Variants in IMMP2L observed in about 807,000 individuals in gnomAD.
IMMP2L encodes mitochondrial inner membrane protease subunit 2.
In IMMP2L, 18 loss-of-function variants were observed where a neutral mutation model predicts 19.3. The observed-to-expected ratio is 0.93, with a 90% confidence interval of 0.64 to 1.38. The LOEUF is 1.38. Among genes scored for constraint, IMMP2L ranks in the 40% most tolerant of loss-of-function variants. The pLI, the probability that IMMP2L is intolerant of heterozygous loss-of-function variation, is 0.00. For synonymous variants in IMMP2L, 76 were observed against 73.0 expected (o/e 1.04, Z -0.21); for missense variants, 233 against 218.2 (o/e 1.07, Z -0.43).
intron 5 of IMMP2L, among the ~76,000 whole-genome samples, chr7:110,826,032 T>C (rs943274375): frequency 1.3e-5 from 2 of 152,164 alleles, no homozygotes; most frequent in African/African-American, 4.8e-5. Flanking sequence ...GCGAAGGATA[T>C]GAACACACAC....
intron 3 of IMMP2L, among the ~76,000 whole-genome samples, chr7:111,330,980 G>A (rs932354605): frequency 9.2e-5 from 14 of 151,766 alleles, no homozygotes; most frequent in African/African-American, 2.7e-4. Context: ...CTGTTGGTGC[G>A]AATATATATT....
chr7:111,434,909 G>C (rs1326529186), intron 3 of IMMP2L, among the ~76,000 whole-genome samples: 1 of 151,820 alleles, frequency 6.6e-6, no homozygotes, highest in African/African-American at 2.4e-5. Flanking sequence ...AGCCAGTCAT[G>C]ACACAAGGTG....
At chr7:111,281,142 GAAAGACAGAAAGAC>G (rs1563003979) in intron 3 of IMMP2L, among the ~76,000 whole-genome samples, 1,665 of 84,948 alleles carry the variant, frequency 0.02, 69 homozygotes, top group African/African-American at 0.073. Flanking sequence ...GAGAAAGACA[GAAAGACAGAAAGAC>G]AGAAAGAAAG....
intron 3 of IMMP2L, among the ~76,000 whole-genome samples, chr7:111,360,205 A>G (rs1210412923): frequency 6.6e-6 from 1 of 152,192 alleles, no homozygotes; most frequent in African/African-American, 2.4e-5. Context: ...AAAATCAAAT[A>G]CAGACATCAA....
At chr7:111,498,561 C>T (rs1843821912) in intron 2 of IMMP2L, among the ~76,000 whole-genome samples, 1 of 151,328 alleles carries the variant, frequency 6.6e-6, no homozygotes, top group Non-Finnish European at 1.5e-5. Flanking sequence ...GTGTGTAGCA[C>T]AGAAAGGAAG....
intron 3 of IMMP2L, among the ~76,000 whole-genome samples, chr7:111,056,395 C>T (rs1255405702): frequency 6.6e-6 from 1 of 152,214 alleles, no homozygotes; most frequent in Admixed American, 6.5e-5. Flanking sequence ...CTTATATTTA[C>T]ACACAATAAT....
At chr7:110,696,272 G>A (rs1388626818) in intron 5 of IMMP2L, among the ~76,000 whole-genome samples, 1 of 152,150 alleles carries the variant, frequency 6.6e-6, no homozygotes, top group Admixed American at 6.5e-5. Flanking sequence ...AGGTTTCTAA[G>A]TAGTGAGTGA....
At chr7:110,991,910 T>C (rs1308451341) in intron 3 of IMMP2L, among the ~76,000 whole-genome samples, 1 of 152,180 alleles carries the variant, frequency 6.6e-6, no homozygotes, top group Non-Finnish European at 1.5e-5. Flanking sequence ...CTCTTTGCTT[T>C]CACTTAGGAT....
intron 4 of IMMP2L, among the ~76,000 whole-genome samples, chr7:110,934,288 T>C (rs1815835661): frequency 2.0e-5 from 3 of 152,314 alleles, no homozygotes; most frequent in Admixed American, 6.5e-5. Context: ...ATAAGTGTGA[T>C]GTGGTGCTGA....
At chr7:111,474,187 AG>A (rs769602695) in intron 3 of IMMP2L, among the ~76,000 whole-genome samples, 2 of 152,064 alleles carry the variant, frequency 1.3e-5, no homozygotes, top group African/African-American at 2.4e-5. Flanking sequence ...GGAGGGAAAA[AG>A]GGGGAAAAAG....
chr7:111,051,344 T>C lies in IMMP2L; in HGVS notation c.240-87779A>G, dbSNP rs746706721. Among the ~76,000 whole-genome samples, 7 of 152,308 alleles carry C rather than the reference T, an allele frequency of 4.6e-5. No individual in the cohort carries two copies. The East Asian group carries it at 5.8e-4, about 13-fold the overall frequency. On this transcript the variant is annotated intron_variant, in intron 3 of 5. Coordinates refer to ENST00000405709, the MANE Select transcript of IMMP2L (RefSeq NM_032549.4). Reference sequence around the variant, plus strand: ...CACTGAATATTTTCCCTGGGGAGCATAGGAAAGTCTTCAGGAAACTATCCT... The same window carrying C: ...CACTGAATATTTTCCCTGGGGAGCACAGGAAAGTCTTCAGGAAACTATCCT...
intron 3 of IMMP2L, among the ~76,000 whole-genome samples, chr7:111,093,693 TCCAGGC>T (rs1797100810): frequency 6.6e-6 from 1 of 152,080 alleles, no homozygotes; most frequent in South Asian, 2.1e-4. Context: ...ATACCAACAC[TCCAGGC>T]CCCCGGTGTT....
chr7:111,523,263 A>G (rs923520782), intron 1 of IMMP2L, among the ~76,000 whole-genome samples: 5 of 152,038 alleles, frequency 3.3e-5, no homozygotes, highest in African/African-American at 1.2e-4. Context: ...AAATGTAAAC[A>G]GAGTGGATGT....
intron 3 of IMMP2L, among the ~76,000 whole-genome samples, chr7:111,233,806 C>A (rs1813981062): frequency 6.6e-6 from 1 of 151,932 alleles, no homozygotes; most frequent in South Asian, 2.1e-4. Context: ...CAACAATAGT[C>A]TAATGATTAT....
intron 4 of IMMP2L, among the ~76,000 whole-genome samples, chr7:110,945,768 A>G (rs1026612128): frequency 6.6e-6 from 1 of 152,058 alleles, no homozygotes; most frequent in Non-Finnish European, 1.5e-5. Context: ...GAACTCCTAA[A>G]GAAACAATTA....
In IMMP2L at chr7:110,953,726, C is replaced by T. The variant is rs550609781; in HGVS notation, c.305+9774G>A. 4.6e-5 allele frequency among the ~76,000 whole-genome samples: 7 copies of T among 152,218 alleles called. No homozygotes were observed. In the South Asian group the frequency reaches 1.4e-3, roughly 32 times the overall value. On this transcript the variant is annotated intron_variant, in intron 4 of 5. Transcript: ENST00000405709. Reference sequence around the variant, plus strand: ...TCAAATAGTATTTCTGGTTCTAGATCCTTCAGGAATCGCCACACTGTCTAC... The same window carrying T: ...TCAAATAGTATTTCTGGTTCTAGATTCTTCAGGAATCGCCACACTGTCTAC...
intron 5 of IMMP2L, among the ~76,000 whole-genome samples, chr7:110,714,684 C>T (rs1795124087): frequency 6.6e-6 from 1 of 152,150 alleles, no homozygotes; most frequent in African/African-American, 2.4e-5. Flanking sequence ...GTAACCTCCA[C>T]CTCCCAGGCT....
At chr7:111,296,452 A>G (rs2129844749) in intron 3 of IMMP2L, among the ~76,000 whole-genome samples, 1 of 152,084 alleles carries the variant, frequency 6.6e-6, no homozygotes, top group South Asian at 2.1e-4. Flanking sequence ...ATAATTAGGA[A>G]ATCGAAATTA....
At chr7:110,726,237 G>C (rs1014023218) in intron 5 of IMMP2L, among the ~76,000 whole-genome samples, 13 of 152,122 alleles carry the variant, frequency 8.5e-5, no homozygotes, top group African/African-American at 3.1e-4. Flanking sequence ...TTCAAACACT[G>C]GGCTCCTTGA....
Sources: allele counts gnomAD v4.1 joint callset (sites outside exome capture counted in the v4.1 genomes callset), GRCh38; gene constraint gnomAD v4.1.1; transcripts MANE v1.5; gene names NCBI Gene and HGNC (gene_info 2026-07-23, HGNC 2026-07-21).